LPP: variants seen among roughly 807,000 people sequenced by gnomAD.
LPP encodes the protein lipoma-preferred partner.
A neutral mutation model predicts 60.4 loss-of-function variants in LPP; 38 were observed. The observed-to-expected ratio is 0.63, with a 90% CI of 0.49 to 0.83. LPP has a LOEUF of 0.83. LPP is among the 40% of genes least tolerant of loss of function. The pLI is 0.00. For synonymous variants in LPP, 328 were observed against 290.8 expected (o/e 1.13, Z -1.30); for missense variants, 902 against 783.6 (o/e 1.15, Z -1.80).
intron 3 of LPP, among the ~76,000 whole-genome samples, chr3:188,351,454 T>C (rs1240194839): frequency 6.6e-6 from 1 of 152,164 alleles, no homozygotes; most frequent in African/African-American, 2.4e-5. Flanking sequence ...CTCTACAGGC[T>C]CTGTCTGGAG....
chr3:188,888,599 C>A lies in LPP; in HGVS notation c.*14120C>A, dbSNP rs897578497. On this transcript the variant is annotated 3_prime_UTR_variant, in exon 12 of 12. Transcript: ENST00000617246. ...CTAAATATAGGCTCTATTAACTTTA[C>A]TTTTAGATTTACTGCCTTCAAAAAG... 4.0e-5 allele frequency: 9 copies of A among 224,072 alleles called. No homozygotes were observed. Among genetic ancestry groups the A allele is most frequent in the South Asian group, 3.7e-4 (2 of 5,434 alleles). The allele number at this position is 224,072 out of a possible 1,614,324, so 13.9% of individuals were successfully genotyped here. A position where few individuals can be genotyped will look rare whatever the true frequency, so the allele number is the denominator to read the frequency against.
intron 7 of LPP, among the ~76,000 whole-genome samples, chr3:188,618,732 C>T (rs2151518288): frequency 6.6e-6 from 1 of 152,276 alleles, no homozygotes. Flanking sequence ...ACTGTGCATA[C>T]CCTAAGTCTG....
chr3:188,648,646 G>T (rs1851534388), intron 7 of LPP, among the ~76,000 whole-genome samples: 1 of 152,026 alleles, frequency 6.6e-6, no homozygotes, highest in Non-Finnish European at 1.5e-5. Flanking sequence ...GAATCACTTT[G>T]AGTATGGTAC....
chr3:188,581,256 T>A (rs1206143183), intron 6 of LPP, among the ~76,000 whole-genome samples: 1 of 151,854 alleles, frequency 6.6e-6, no homozygotes, highest in African/African-American at 2.4e-5. Context: ...GCATTGTCGT[T>A]GGAGATGGTG....
intron 8 of LPP, among the ~76,000 whole-genome samples, chr3:188,718,174 A>G (rs1714852921): frequency 6.6e-6 from 1 of 152,236 alleles, no homozygotes; most frequent in South Asian, 2.1e-4. Context: ...AGAGTAAAGA[A>G]GAATGTGATC....
intron 7 of LPP, among the ~76,000 whole-genome samples, chr3:188,706,724 G>A (rs1011405366): frequency 6.6e-6 from 1 of 152,166 alleles, no homozygotes; most frequent in African/African-American, 2.4e-5. Context: ...AAGATAATAG[G>A]AGAATGAATA....
intron 2 of LPP, among the ~76,000 whole-genome samples, chr3:188,257,666 C>T (rs1018375938): frequency 2.0e-5 from 3 of 152,204 alleles, no homozygotes; most frequent in Non-Finnish European, 4.4e-5. Flanking sequence ...TTGAAGACAA[C>T]TTCAAGTTGT....
chr3:188,319,705 C>T (rs1756365224), intron 2 of LPP, among the ~76,000 whole-genome samples: 1 of 152,228 alleles, frequency 6.6e-6, no homozygotes, highest in Admixed American at 6.5e-5. Flanking sequence ...GTGTACCCTT[C>T]ACCCAGCTTT....
chr3:188,826,821 T>C (rs1755670274), intron 9 of LPP, among the ~76,000 whole-genome samples: 1 of 152,092 alleles, frequency 6.6e-6, no homozygotes, highest in African/African-American at 2.4e-5. Context: ...CCTTAATCAC[T>C]TTCTGACTTG....
chr3:188,831,469 T>G (rs1190414733), intron 9 of LPP, among the ~76,000 whole-genome samples: 1 of 152,106 alleles, frequency 6.6e-6, no homozygotes, highest in Non-Finnish European at 1.5e-5. Flanking sequence ...TTGCCTCAAT[T>G]TAAAGTGACA....
intron 1 of LPP, among the ~76,000 whole-genome samples, chr3:188,183,423 A>G (rs1430556543): frequency 2.6e-5 from 4 of 152,126 alleles, no homozygotes; most frequent in Non-Finnish European, 5.9e-5. Flanking sequence ...GCAGGTGTGA[A>G]AGAAGCTTTG....
chr3:188,666,344 C>G (rs111886045), intron 7 of LPP, among the ~76,000 whole-genome samples: 10,510 of 152,186 alleles, frequency 0.069, 454 homozygotes, highest in Non-Finnish European at 0.1. Context: ...ATTATGTCAT[C>G]CTTAACGGTG....
intron 9 of LPP, among the ~76,000 whole-genome samples, chr3:188,771,952 C>A (rs1385833595): frequency 6.6e-6 from 1 of 150,382 alleles, no homozygotes; most frequent in Non-Finnish European, 1.5e-5. Flanking sequence ...ACTGTGAACT[C>A]CTCATTAAAA....
At chr3:188,432,505 T>G (rs968934208) in intron 4 of LPP, among the ~76,000 whole-genome samples, 1 of 152,158 alleles carries the variant, frequency 6.6e-6, no homozygotes, top group African/African-American at 2.4e-5. Flanking sequence ...CAGGGTGGAT[T>G]CAGAGAGGTC....
chr3:188,762,123 C>G (rs1452302941), intron 9 of LPP, among the ~76,000 whole-genome samples: 1 of 152,002 alleles, frequency 6.6e-6, no homozygotes, highest in Admixed American at 6.6e-5. Context: ...TTGTTTCAAC[C>G]CTTGTTAGCT....
chr3:188,391,324 G>A (rs575999301), intron 3 of LPP, among the ~76,000 whole-genome samples: 3 of 152,290 alleles, frequency 2.0e-5, no homozygotes, highest in South Asian at 2.1e-4. Flanking sequence ...TGAGAGGGAC[G>A]GCACTGGGTG....
intron 1 of LPP, among the ~76,000 whole-genome samples, chr3:188,173,515 A>T (rs1178810357): frequency 8.0e-6 from 1 of 125,234 alleles, no homozygotes; most frequent in Non-Finnish European, 1.9e-5. Context: ...AAAAACAAAA[A>T]CAAAAAAAAC....
intron 1 of LPP, among the ~76,000 whole-genome samples, chr3:188,206,269 G>C (rs1733185964): frequency 6.6e-6 from 1 of 152,154 alleles, no homozygotes; most frequent in African/African-American, 2.4e-5. Context: ...TCGAGGTCCT[G>C]CAACCACAGA....
chr3:188,529,859 G>A (rs887242823), intron 6 of LPP, among the ~76,000 whole-genome samples: 2 of 152,322 alleles, frequency 1.3e-5, no homozygotes, highest in Admixed American at 1.3e-4. Context: ...GGACACAGGA[G>A]AAGGGCTTCA....
Sources: gnomAD v4.1 joint callset for allele counts (sites outside exome capture counted in the v4.1 genomes callset) on GRCh38, gnomAD v4.1.1 for gene constraint, MANE v1.5 for transcripts, NCBI Gene and HGNC (gene_info 2026-07-23, HGNC 2026-07-21) for gene names.